Variants in RORA observed in about 807,000 individuals in gnomAD.
RORA encodes nuclear receptor ROR-alpha.
RORA carries 7 observed loss-of-function variants against 69.5 expected under a neutral mutation model. The observed-to-expected ratio is 0.10, with a 90% confidence interval of 0.06 to 0.19. RORA has a LOEUF of 0.19. RORA is among the 10% of genes least tolerant of loss of function. The pLI is 1.00. For missense variants in RORA, 457 were observed against 663.0 expected (o/e 0.69, Z 3.41); for synonymous variants, 261 against 240.8 (o/e 1.08, Z -0.78).
chr15:61,048,593 T>C (rs372416600), intron 1 of RORA, among the ~76,000 whole-genome samples: 4 of 152,204 alleles, frequency 2.6e-5, no homozygotes, highest in South Asian at 4.1e-4. Context: ...AGCCAGCCTG[T>C]TTCCGATTAT....
intron 1 of RORA, chr15:60,706,244 C>T (rs1018277915): frequency 1.3e-5 from 2 of 152,194 alleles, no homozygotes; most frequent in Non-Finnish European, 2.9e-5. Flanking sequence ...GACTTCCAGC[C>T]TGGTGGCTTC....
chr15:60,842,328 T>G (rs886278703), intron 1 of RORA, among the ~76,000 whole-genome samples: 1 of 152,086 alleles, frequency 6.6e-6, no homozygotes, highest in Non-Finnish European at 1.5e-5. Flanking sequence ...CAGGATAAAG[T>G]CCAAATACCT....
chr15:61,110,273 G>A (rs1161630648), intron 1 of RORA, among the ~76,000 whole-genome samples: 1 of 152,060 alleles, frequency 6.6e-6, no homozygotes, highest in Non-Finnish European at 1.5e-5. Context: ...GTGCACACCT[G>A]TAGTCCCAGA....
At chr15:60,843,541 T>C (rs1402624769) in intron 1 of RORA, among the ~76,000 whole-genome samples, 1 of 152,202 alleles carries the variant, frequency 6.6e-6, no homozygotes, top group Non-Finnish European at 1.5e-5. Flanking sequence ...ACACGTGTCA[T>C]GGTCAAATGT....
intron 1 of RORA, among the ~76,000 whole-genome samples, chr15:61,016,073 T>C (rs1895274241): frequency 8.5e-5 from 13 of 152,214 alleles, no homozygotes; most frequent in Admixed American, 8.5e-4. Flanking sequence ...TGAGAGACTG[T>C]AGACGGTGTA....
intron 1 of RORA, chr15:61,176,253 T>C (rs2079628491): frequency 6.6e-6 from 1 of 152,214 alleles, no homozygotes; most frequent in African/African-American, 2.4e-5. Context: ...TCAGACTATT[T>C]GGTGTTCCTT....
intron 1 of RORA, among the ~76,000 whole-genome samples, chr15:60,945,260 G>T (rs891978797): frequency 6.6e-5 from 10 of 152,132 alleles, no homozygotes; most frequent in African/African-American, 2.4e-4. Context: ...CTTTTTAAAG[G>T]AAAATATGTA....
At chr15:60,607,930 G>T (rs2068989876) in intron 2 of RORA, among the ~76,000 whole-genome samples, 1 of 152,216 alleles carries the variant, frequency 6.6e-6, no homozygotes, top group African/African-American at 2.4e-5. Context: ...CTAAAAGTAT[G>T]CTTTATCCAT....
intron 2 of RORA, among the ~76,000 whole-genome samples, chr15:60,606,907 C>T (rs898576789): frequency 6.6e-6 from 1 of 152,098 alleles, no homozygotes; most frequent in Non-Finnish European, 1.5e-5. Flanking sequence ...AGCAGAGATA[C>T]CACTAAAACT....
At chr15:60,944,471 C>T (rs775052388) in intron 1 of RORA, among the ~76,000 whole-genome samples, 1 of 152,110 alleles carries the variant, frequency 6.6e-6, no homozygotes, top group Non-Finnish European at 1.5e-5. Context: ...AATCCCAGCA[C>T]TTTGGGAGGC....
In RORA at chr15:60,850,405, G is replaced by A. The variant is rs114766228; in HGVS notation, c.167-171719C>T. Among the ~76,000 whole-genome samples, 745 of 152,262 alleles carry A rather than the reference G, an allele frequency of 4.9e-3. 9 individuals are homozygous for A. The highest frequency in any genetic ancestry group is 0.017 in the African/African-American group (687 of 41,540). Reference sequence around the variant, plus strand: ...TTTAAGATGCTGGTGTGATGTTTAAGCGGGGGGTCAGATGGTACCCGATTC... The same window carrying A: ...TTTAAGATGCTGGTGTGATGTTTAAACGGGGGGTCAGATGGTACCCGATTC... On this transcript the variant is annotated intron_variant, in intron 1 of 10. Coordinates refer to ENST00000335670, the MANE Select transcript of RORA (RefSeq NM_134261.3).
intron 1 of RORA, among the ~76,000 whole-genome samples, chr15:61,218,051 T>G (rs965157721): frequency 6.6e-6 from 1 of 152,138 alleles, no homozygotes; most frequent in African/African-American, 2.4e-5. Context: ...GGTTTTCAAA[T>G]AGTGAGGAGT....
At chr15:61,081,786 C>T (rs1478704308) in intron 1 of RORA, among the ~76,000 whole-genome samples, 1 of 130,502 alleles carries the variant, frequency 7.7e-6, no homozygotes, top group South Asian at 2.4e-4. Context: ...CCAGCCTAGG[C>T]AACAGAGCAA....
Position 60,891,459 on chromosome 15 carries a change from G to C in RORA, c.167-212773C>G, listed in dbSNP as rs2073812023. On this transcript the variant is annotated intron_variant, in intron 1 of 10. Coordinates refer to ENST00000335670, the MANE Select transcript of RORA (RefSeq NM_134261.3). The stretch of plus-strand genomic sequence containing the variant: ...ACCCTCAGGTCAAGGCTCAGCACCT[G>C]GTACATCACACAGACAACAGACATG... Among the ~76,000 whole-genome samples the C allele has an allele frequency of 3.3e-5, 5 of 152,286 alleles. 1 individual carries two copies. The South Asian group carries it at 1.0e-3, about 32-fold the overall frequency.
At chr15:60,515,752 C>A (rs566844280) in intron 3 of RORA, among the ~76,000 whole-genome samples, 1 of 139,462 alleles carries the variant, frequency 7.2e-6, no homozygotes, top group African/African-American at 2.7e-5. Flanking sequence ...GGCTTTTTTT[C>A]GGGGGAGGGG....
At chr15:61,167,205 A>G (rs898545006) in intron 1 of RORA, among the ~76,000 whole-genome samples, 9 of 152,204 alleles carry the variant, frequency 5.9e-5, no homozygotes, top group African/African-American at 2.2e-4. Flanking sequence ...AGTCTCTTAA[A>G]TGTCAACCTG....
chr15:61,074,871 G>A (rs1489321207), intron 1 of RORA, among the ~76,000 whole-genome samples: 1 of 152,044 alleles, frequency 6.6e-6, no homozygotes, highest in African/African-American at 2.4e-5. Flanking sequence ...TGTATCACTT[G>A]GGGTCACGAG....
chr15:61,115,049 A>G (rs2079038187), intron 1 of RORA, among the ~76,000 whole-genome samples: 1 of 152,230 alleles, frequency 6.6e-6, no homozygotes, highest in South Asian at 2.1e-4. Flanking sequence ...TTGCGTGTAC[A>G]GTAGGCACTA....
At chr15:60,836,220 G>T (rs2073112615) in intron 1 of RORA, among the ~76,000 whole-genome samples, 1 of 152,180 alleles carries the variant, frequency 6.6e-6, no homozygotes, top group South Asian at 2.1e-4. Context: ...CCCCAGGCAG[G>T]ACTATGATGT....
Sources: gnomAD v4.1 joint callset for allele counts (sites outside exome capture counted in the v4.1 genomes callset) on GRCh38, gnomAD v4.1.1 for gene constraint, MANE v1.5 for transcripts, NCBI Gene and HGNC (gene_info 2026-07-23, HGNC 2026-07-21) for gene names.